Variants in SELENON observed in about 807,000 individuals in gnomAD.
The protein encoded by SELENON is selenoprotein N, also known as selenoprotein N, 1.
Under a neutral mutation model 59.5 loss-of-function variants are expected in SELENON, and 44 were observed. That is an observed-to-expected ratio of 0.74 (90% CI 0.58 to 0.95). The LOEUF (loss-of-function observed/expected upper bound fraction) is 0.95, where lower values mean the gene tolerates loss of function less well. SELENON is among the 40% of genes least tolerant of loss of function. The pLI, the probability that SELENON is intolerant of heterozygous loss-of-function variation, is 0.00. For synonymous variants in SELENON, 320 were observed against 305.6 expected (o/e 1.05, Z -0.49); for missense variants, 674 against 721.4 (o/e 0.93, Z 0.75).
intron 3 of SELENON, among the ~76,000 whole-genome samples, chr1:25,804,142 A>G (rs562281603): frequency 1.7e-4 from 26 of 152,328 alleles, no homozygotes; most frequent in African/African-American, 6.0e-4. Context: ...TTGACTTACA[A>G]ATACAGAAAT....
intron 5 of SELENON, 35 bp from the exon 5 acceptor site, chr1:25,808,991 C>T (rs2124447874): frequency 6.2e-7 from 1 of 1,613,060 alleles, no homozygotes; most frequent in Non-Finnish European, 8.5e-7. Flanking sequence ...CCAGCGGGAC[C>T]CAGCAAGCCA....
At position 25,805,164 on chromosome 1, in the gene SELENON, C is replaced by CGAG. The variant is rs141295085; in HGVS notation, c.436_438dup (p.Glu146dup). On this transcript the variant is annotated inframe_insertion, in exon 4 of 13. Coordinates refer to ENST00000361547, the MANE Select transcript of SELENON (RefSeq NM_020451.3). ...TAGGGTCAACTCCCGCGGCCAGCTG[C>CGAG]GAGGAGGAGGAGTTGCCCCCTGACC... 2,233 of 1,608,570 alleles carry CGAG rather than the reference C, an allele frequency of 1.4e-3. 34 individuals carry two copies. The African/African-American group carries it at 0.027, about 19-fold the overall frequency.
At chr1:25,801,292 C>T (rs765849049) in intron 2 of SELENON, 132 bp downstream of exon 2, 29 of 741,058 alleles carry the variant, frequency 3.9e-5, no homozygotes, top group Non-Finnish European at 6.1e-5. Flanking sequence ...CCAGCTCTGA[C>T]ACTTTGTAGC....
intron 7 of SELENON, among the ~76,000 whole-genome samples, chr1:25,810,654 A>G (rs2047949957): frequency 6.6e-6 from 1 of 152,176 alleles, no homozygotes; most frequent in Non-Finnish European, 1.5e-5. Flanking sequence ...GGCAGGCGTG[A>G]GAGGATGGTC....
At position 25,811,725 on chromosome 1, in the gene SELENON, C is replaced by G. The variant is rs1289592785; in HGVS notation, c.1127C>G (p.Ser376Cys). 3 of 1,606,490 alleles carry G rather than the reference C, an allele frequency of 1.9e-6. No homozygotes were observed. The Admixed American group carries it at 5.2e-5, about 28-fold the overall frequency. ...GAGGCCACGGGCCCCTCTGTGCCCT[C>G]CGTGATCCTGGATGAGGATGGCAGC... Residue 376 changes from serine (S) to cysteine (C), a missense_variant, in exon 9 of 13, where the codon TCC becomes TGC. Ser to Cys is a moderately radical substitution (Grantham distance 112). Coordinates refer to ENST00000361547, the MANE Select transcript of SELENON (RefSeq NM_020451.3).
At position 25,811,871 on chromosome 1, in the gene SELENON, T is replaced by C. The variant is rs1193023780; in HGVS notation, c.1273T>C (p.Phe425Leu). Residue 425 changes from phenylalanine to leucine, a missense_variant, in exon 9 of 13, where the codon TTC becomes CTC. Transcript: ENST00000361547. ...GCGCCTGGAGGTGGCCATGTACCCC[T>C]TCAAGAAGGTGAGGCTGGGCAGGGG... 1.9e-6 allele frequency: 3 copies of C among 1,563,084 alleles called. No homozygotes were observed. In the African/African-American group the frequency reaches 4.1e-5, roughly 21 times the overall value.
chr1:25,808,910 G>C (rs1262945966), intron 5 of SELENON, 116 bp from the exon 5 acceptor site: 2 of 1,576,558 alleles, frequency 1.3e-6, no homozygotes, highest in African/African-American at 2.7e-5. Flanking sequence ...CCTTCCTCTG[G>C]ACCTGCCCCC....
At chr1:25,811,953 G>A in intron 9 of SELENON, 74 bp downstream of exon 8, 2 of 1,450,786 alleles carry the variant, frequency 1.4e-6, no homozygotes, top group Non-Finnish European at 1.9e-6. Flanking sequence ...GCAGCAGCTG[G>A]GCACAGACGC....
intron 3 of SELENON, among the ~76,000 whole-genome samples, chr1:25,802,774 GC>G (rs1192117099): frequency 6.6e-6 from 1 of 152,190 alleles, no homozygotes. Context: ...TTCTCTCGCT[GC>G]CCCACCACCA....
intron 9 of SELENON, 145 bp downstream of exon 8, chr1:25,812,024 G>A (rs1006660210): frequency 2.3e-5 from 20 of 888,288 alleles, no homozygotes; most frequent in East Asian, 8.0e-5. Flanking sequence ...CTGTGCCAGC[G>A]GGGCCTCCCC....
At position 25,815,690 on chromosome 1, in the gene SELENON, G is replaced by T; in HGVS notation, c.1745G>T (p.Arg582Leu). 4 of 1,614,058 alleles carry T rather than the reference G, an allele frequency of 2.5e-6. No individual in the cohort carries two copies. Among genetic ancestry groups the T allele is most frequent in the Non-Finnish European group, 3.4e-6 (4 of 1,180,026 alleles). Reference sequence around the variant, plus strand: ...ATGCAGTTCCTGAAGGAGGGACTCCGGCGTGGCCTGCCCCTCCTCCAGCCC... The same window carrying T: ...ATGCAGTTCCTGAAGGAGGGACTCCTGCGTGGCCTGCCCCTCCTCCAGCCC... Residue 582 changes from arginine (R) to leucine (L), a missense_variant, in exon 13 of 13, where the codon CGG (arginine) becomes CTG (leucine). By Grantham distance (102) the Arg-to-Leu change is moderately radical. Transcript: ENST00000361547.
intron 1 of SELENON, 90 bp from the exon 2 acceptor site, chr1:25,800,953 G>A (rs2047855797): frequency 9.8e-7 from 1 of 1,016,082 alleles, no homozygotes; most frequent in Non-Finnish European, 1.6e-6. Context: ...GATGGTGGGA[G>A]AAGGGGCTCC....
At chr1:25,804,580 A>G (rs2047886766) in intron 3 of SELENON, among the ~76,000 whole-genome samples, 1 of 151,114 alleles carries the variant, frequency 6.6e-6, no homozygotes, top group Non-Finnish European at 1.5e-5. Context: ...GAAAAGATCC[A>G]AGAAATCAAA....
intron 4 of SELENON, among the ~76,000 whole-genome samples, chr1:25,805,701 G>A (rs1216333871): frequency 6.6e-6 from 1 of 151,986 alleles, no homozygotes; most frequent in African/African-American, 2.4e-5. Flanking sequence ...ACGGGGCATA[G>A]CATGATGCCT....
chr1:25,805,447 G>A (rs2124442916), intron 4 of SELENON, among the ~76,000 whole-genome samples, 172 bp downstream of exon 3: 1 of 152,312 alleles, frequency 6.6e-6, no homozygotes, highest in Middle Eastern at 3.4e-3. Flanking sequence ...TGCTGGGGGA[G>A]CAGGAGAGAG....
Position 25,809,663 on chromosome 1 carries a change from G to A in SELENON, c.873-20G>A, listed in dbSNP as rs2047941065. 6.2e-7 allele frequency: 1 copy of A among 1,613,064 alleles called. No individual in the cohort carries two copies. Among genetic ancestry groups the A allele is most frequent in the African/African-American group, 1.3e-5 (1 of 75,056 alleles). On this transcript the variant is annotated intron_variant, in intron 6 of 12. Coordinates refer to ENST00000361547, the MANE Select transcript of SELENON (RefSeq NM_020451.3). ...GGAGAAGGTGGGCAGCTCTGGTGCA[G>A]CAGATCCCCTTCCCCACAGGATCCA...
Position 25,809,167 on chromosome 1 carries a change from G to A in SELENON, c.872+17G>A, listed in dbSNP as rs754933685. On this transcript the variant is annotated intron_variant, in intron 6 of 12. Transcript: ENST00000361547. The stretch of plus-strand genomic sequence containing the variant: ...GATGTTCCGGTGAGTGGGCCACACT[G>A]GCTGGCCTGGAGCACCGGGGAGGCA... 1.9e-6 allele frequency: 3 copies of A among 1,613,340 alleles called. No homozygotes were observed. In the East Asian group the frequency reaches 6.7e-5, roughly 36 times the overall value.
intron 3 of SELENON, among the ~76,000 whole-genome samples, chr1:25,802,662 T>G (rs1312728059): frequency 6.6e-6 from 1 of 152,228 alleles, no homozygotes; most frequent in East Asian, 1.9e-4. Flanking sequence ...GGCCTCCTAT[T>G]CCATTCTTGC....
intron 9 of SELENON, among the ~76,000 whole-genome samples, 161 bp from the exon 9 acceptor site, chr1:25,812,526 T>C (rs2124452264): frequency 6.8e-6 from 1 of 147,132 alleles, no homozygotes; most frequent in Non-Finnish European, 1.5e-5. Flanking sequence ...AATGTACATA[T>C]ACACAGACAT....
Sources: gnomAD v4.1 joint callset for allele counts (sites outside exome capture counted in the v4.1 genomes callset) on GRCh38, gnomAD v4.1.1 for gene constraint, MANE v1.5 for transcripts, NCBI Gene and HGNC (gene_info 2026-07-23, HGNC 2026-07-21) for gene names.